SLC26A3: variants seen among roughly 807,000 people sequenced by gnomAD.
The protein encoded by SLC26A3 is solute carrier family 26 member 3, also known as chloride anion exchanger.
Under a neutral mutation model 85.6 loss-of-function variants are expected in SLC26A3, and 64 were observed. The ratio of observed to expected loss-of-function variants is 0.75; its 90% CI spans 0.61 to 0.92. The LOEUF is 0.92. Ranked by LOEUF, SLC26A3 falls within the 40% of genes least tolerant of loss-of-function variation. SLC26A3 has a pLI of 0.00. For synonymous variants in SLC26A3, 349 were observed against 336.0 expected (o/e 1.04, Z -0.42); for missense variants, 922 against 927.3 (o/e 0.99, Z 0.07).
In SLC26A3 at chr7:107,791,949, A is replaced by G. The variant is rs756036218; in HGVS notation, c.272-9T>C. 2 of 1,524,234 alleles carry G rather than the reference A, an allele frequency of 1.3e-6. No homozygotes were observed. The highest frequency in any genetic ancestry group is 1.7e-5 in the Admixed American group (1 of 59,902). The allele number at this position is 1,524,234 out of a possible 1,614,324, so 94.4% of individuals were successfully genotyped here. ...CAGAGCAAATGCTAAACCTGTAAAC[A>G]CACAAGCAGCAGAGCCCTTACTCTG... is the stretch of plus-strand genomic sequence containing the variant. On this transcript the variant is annotated splice_polypyrimidine_tract_variant and intron_variant, in intron 3 of 20. Transcript: ENST00000340010.
intron 15 of SLC26A3, 22 bp downstream of exon 15, chr7:107,776,430 A>T: frequency 6.3e-7 from 1 of 1,587,626 alleles, no homozygotes; most frequent in Non-Finnish European, 8.6e-7. Flanking sequence ...AAGGAAAAAA[A>T]TTAAATAACC....
rs1473126245 is a variant in SLC26A3 at position 107,785,977 on chromosome 7, C to A, written c.971+850G>T. ...AAACTGATTCTGTGGTTAGAAGAAA[C>A]AACACAAAATGATCTTCCTTCTCAA... On this transcript the variant is annotated intron_variant, in intron 8 of 20. Coordinates refer to ENST00000340010, the MANE Select transcript of SLC26A3 (RefSeq NM_000111.3). Among the ~76,000 whole-genome samples, 8 of 152,170 alleles carry A rather than the reference C, an allele frequency of 5.3e-5. No individual in the cohort carries two copies. In the East Asian group the frequency reaches 1.5e-3, roughly 29 times the overall value.
intron 12 of SLC26A3, 110 bp downstream of exon 12, chr7:107,779,558 T>C: frequency 1.1e-6 from 1 of 879,356 alleles, no homozygotes; most frequent in South Asian, 1.4e-5. Context: ...TTTGAACAGA[T>C]ATATAGAAAC....
intron 1 of SLC26A3, among the ~76,000 whole-genome samples, chr7:107,800,680 T>C (rs988815266): frequency 6.6e-6 from 1 of 152,210 alleles, no homozygotes; most frequent in African/African-American, 2.4e-5. Flanking sequence ...TGAAATAAAC[T>C]GAACTATGAG....
At chr7:107,786,942 G>A (rs1346559819) in intron 7 of SLC26A3, 33 bp from the exon 8 acceptor site, 6 of 1,555,308 alleles carry the variant, frequency 3.9e-6, no homozygotes, top group Non-Finnish European at 5.3e-6. Context: ...AGTTAGAAAT[G>A]TGAGATGCAA....
intron 1 of SLC26A3, among the ~76,000 whole-genome samples, chr7:107,798,290 G>A (rs1794543860): frequency 6.6e-6 from 1 of 151,104 alleles, no homozygotes; most frequent in Non-Finnish European, 1.5e-5. Flanking sequence ...AATTTCTGAA[G>A]TTCAGTTTCT....
intron 11 of SLC26A3, among the ~76,000 whole-genome samples, chr7:107,781,955 T>A (rs1445710868): frequency 6.6e-6 from 1 of 152,192 alleles, no homozygotes; most frequent in Admixed American, 6.6e-5. Context: ...AGCTAAGTAG[T>A]TCACATACAT....
intron 1 of SLC26A3, among the ~76,000 whole-genome samples, chr7:107,796,193 T>C (rs760834678): frequency 6.6e-6 from 1 of 151,990 alleles, no homozygotes; most frequent in Non-Finnish European, 1.5e-5. Flanking sequence ...CTATGGCCTC[T>C]TAACTCCTAG....
intron 18 of SLC26A3, among the ~76,000 whole-genome samples, chr7:107,770,075 CT>C (rs1271265391): frequency 9.3e-6 from 1 of 108,072 alleles, no homozygotes; most frequent in Non-Finnish European, 2.0e-5. Flanking sequence ...TTCTTTCTCT[CT>C]TTTTTCTTTC....
chr7:107,774,884 A>G lies in SLC26A3; in HGVS notation c.1678-12T>C, dbSNP rs899535975. 6.2e-7 allele frequency: 1 copy of G among 1,604,802 alleles called. No individual in the cohort carries two copies. On this transcript the variant is annotated splice_polypyrimidine_tract_variant and intron_variant, in intron 15 of 20. Transcript: ENST00000340010. The stretch of plus-strand genomic sequence containing the variant: ...GGACTAAAGCCAACCTGAGAAACCC[A>G]TTGCTGTGTTACAAGAGTACTGAAT...
chr7:107,765,952 A>G, intron 20 of SLC26A3, 74 bp from the exon 21 acceptor site: 1 of 1,270,818 alleles, frequency 7.9e-7, no homozygotes, highest in South Asian at 1.2e-5. Flanking sequence ...CTTAGGAGCT[A>G]GAATTTACCA....
chr7:107,770,010 C>CTTTCTTTCTTTCTT (rs1562874083), intron 18 of SLC26A3, among the ~76,000 whole-genome samples: 2 of 36,762 alleles, frequency 5.4e-5, no homozygotes, highest in African/African-American at 5.9e-4. Context: ...CTCTTTCTTT[C>CTTTCTTTCTTTCTT]TTTCTTTCTT....
chr7:107,798,419 C>T (rs111635559), intron 1 of SLC26A3, among the ~76,000 whole-genome samples: 13 of 152,274 alleles, frequency 8.5e-5, no homozygotes, highest in South Asian at 6.2e-4. Context: ...CCTCCAGTTA[C>T]GAGAACCTCC....
chr7:107,798,561 T>C (rs1320086948), intron 1 of SLC26A3, among the ~76,000 whole-genome samples: 2 of 152,182 alleles, frequency 1.3e-5, no homozygotes, highest in African/African-American at 4.8e-5. Flanking sequence ...TGAACCAAGA[T>C]GCTGATGAGC....
rs577337450 is a variant in SLC26A3 at position 107,779,755 on chromosome 7, C to T, written c.1320G>A (p.Leu440=). 9 of 1,613,752 alleles carry T rather than the reference C, an allele frequency of 5.6e-6. No individual in the cohort carries two copies. Among genetic ancestry groups the T allele is most frequent in the Non-Finnish European group, 6.8e-6 (8 of 1,179,752 alleles). The part of the protein sequence containing the change: ...FLLAPLQKSV[L]AALALGNLKG... ...TTAAGTTTCCCAATGCTAAAGCTGCCAGGACGGACTGTGAAAAACACAAAC... is the reference window on the plus strand; with the variant it reads ...TTAAGTTTCCCAATGCTAAAGCTGCTAGGACGGACTGTGAAAAACACAAAC... The change falls in exon 12 of 21, where the codon CTG becomes CTA. Residue 440 remains leucine, a synonymous_variant. Transcript: ENST00000340010.
At chr7:107,778,716 G>C (rs748427829) in intron 12 of SLC26A3, among the ~76,000 whole-genome samples, 30 of 152,186 alleles carry the variant, frequency 2.0e-4, no homozygotes, top group Non-Finnish European at 2.8e-4. Flanking sequence ...TAGACTGGGC[G>C]TGAAGGCTCA....
rs544382599 is a variant in SLC26A3 at position 107,800,678 on chromosome 7, A to C, written c.-89+2433T>G. Among the ~76,000 whole-genome samples, 21 of 152,372 alleles carry C rather than the reference A, an allele frequency of 1.4e-4. No homozygotes were observed. The South Asian group carries it at 4.1e-3, about 30-fold the overall frequency. On this transcript the variant is annotated intron_variant, in intron 1 of 20. Transcript: ENST00000340010. Reference sequence around the variant, plus strand: ...TATACAAGAAAGTTTGTTGAAATAAACTGAACTATGAGCAAAAGATATATA... The same window carrying C: ...TATACAAGAAAGTTTGTTGAAATAACCTGAACTATGAGCAAAAGATATATA...
Position 107,776,625 on chromosome 7 carries a change from A to T in SLC26A3, c.1584+12T>A. ...ATTTAGCAAGTCAAAGAAAAACATG[A>T]ATCTCCCTTACATCATAATAATCTT... On this transcript the variant is annotated intron_variant, in intron 14 of 20. Transcript: ENST00000340010. 1 of 1,611,530 alleles carries T rather than the reference A, an allele frequency of 6.2e-7. No homozygotes were observed. The highest frequency in any genetic ancestry group is 1.1e-5 in the South Asian group (1 of 90,998).
intron 2 of SLC26A3, 119 bp downstream of exon 2, chr7:107,794,260 G>C: frequency 8.5e-7 from 1 of 1,180,910 alleles, no homozygotes; most frequent in South Asian, 1.3e-5. Context: ...GGAAACTAAA[G>C]AGGAAAGGAC....
Sources: allele counts gnomAD v4.1 joint callset (sites outside exome capture counted in the v4.1 genomes callset), GRCh38; gene constraint gnomAD v4.1.1; transcripts MANE v1.5; gene names NCBI Gene and HGNC (gene_info 2026-07-23, HGNC 2026-07-21).